SZT2: variants seen among roughly 807,000 people sequenced by gnomAD.
SZT2 encodes the protein SZT2 subunit of KICSTOR complex.
A neutral mutation model predicts 404.2 loss-of-function variants in SZT2; 216 were observed. That is an observed-to-expected ratio of 0.53 (90% CI 0.48 to 0.60). The LOEUF is 0.60. Ranked by LOEUF, SZT2 falls within the 20% of genes least tolerant of loss-of-function variation. SZT2 has a pLI of 0.00. For missense variants in SZT2, 3,857 were observed against 4,459.2 expected (o/e 0.86, Z 3.85); for synonymous variants, 1,693 against 1,749.9 (o/e 0.97, Z 0.81).
At position 43,422,625 on chromosome 1, in the gene SZT2, C is replaced by A; in HGVS notation, c.1915C>A (p.Leu639Ile). Residue 639 changes from leucine to isoleucine, a missense_variant, in exon 13 of 72, where the codon CTC becomes ATC. Leu to Ile is a conservative substitution (Grantham distance 5). This residue lies in a region of SZT2 where 1,725 missense variants were observed against 1,881.0 expected (regional missense o/e 0.92). Coordinates refer to ENST00000634258, the MANE Select transcript of SZT2 (RefSeq NM_001365999.1). ...CGAGGGCTATTCTTATGTTAAGCTG[C>A]TCTCCAGGTGGGCAAAGTGATGTCC... ...LVEGYSYVKL[L>I]SSAPDQPPNS... 1 of 1,591,936 alleles carries A rather than the reference C, an allele frequency of 6.3e-7. No individual in the cohort carries two copies. The highest frequency in any genetic ancestry group is 1.7e-4 in the Middle Eastern group (1 of 5,748).
Position 43,427,642 on chromosome 1 carries a change from T to A in SZT2, c.3711T>A (p.Cys1237Ter). The change falls in exon 26 of 72, where the codon TGT (cysteine) becomes TGA (stop). Residue 1237 changes from cysteine (C) to a stop codon, truncating the protein, a stop_gained. Coordinates refer to ENST00000634258, the MANE Select transcript of SZT2 (RefSeq NM_001365999.1). LOFTEE classifies it high-confidence loss of function. ...TESADGPRTR[C>*]PVYIYSCSLE... is the part of the protein sequence containing the mutation. ...GTGCGGATGGGCCCCGGACCCGGTG[T>A]CCTGTCTACATCTACAGCTGTTCAC... 4 of 1,614,160 alleles carry A rather than the reference T, an allele frequency of 2.5e-6. No individual in the cohort carries two copies. The highest frequency in any genetic ancestry group is 3.4e-6 in the Non-Finnish European group (4 of 1,180,008).
intron 40 of SZT2, 59 bp downstream of exon 40, chr1:43,433,249 C>T: frequency 1.3e-6 from 2 of 1,549,750 alleles, no homozygotes; most frequent in Non-Finnish European, 1.8e-6. Context: ...TCTCTGCTCC[C>T]ACAGTACCTC....
rs1340692662 is a variant in SZT2 at position 43,441,039 on chromosome 1, G to C, written c.7345-175G>C. Among the ~76,000 whole-genome samples the C allele has an allele frequency of 1.3e-5, 2 of 152,198 alleles. No homozygotes were observed. The highest frequency in any genetic ancestry group is 1.3e-4 in the Admixed American group (2 of 15,280). The stretch of plus-strand genomic sequence containing the variant: ...AAGTAGAGCTTTTACAGTGAGGAAG[G>C]TGAGGCTCAGGAAAGTTAGGTAACC... On this transcript the variant is annotated intron_variant, in intron 52 of 71. Transcript: ENST00000634258. The surrounding 1 kb of genome is among the most constrained non-coding windows in gnomAD (Gnocchi z 4.8).
chr1:43,415,025 G>T, intron 4 of SZT2, 57 bp from the exon 5 acceptor site: 5 of 1,571,992 alleles, frequency 3.2e-6, no homozygotes, highest in Non-Finnish European at 8.6e-7. Flanking sequence ...GAGCAGAAGT[G>T]TAGTGGTCTG....
chr1:43,392,980 T>C (rs1648584281), intron 1 of SZT2, among the ~76,000 whole-genome samples: 1 of 151,442 alleles, frequency 6.6e-6, no homozygotes, highest in Non-Finnish European at 1.5e-5. Context: ...ACATGCTCTC[T>C]ATCTTTATGG....
chr1:43,453,797 T>G lies in SZT2; in HGVS notation c.*3317T>G. ...CGGAGAAGCGCAGCGGCGCCATGCC[T>G]GGGGAGGCCGGGCCGGGCGGAGTCC... On this transcript the variant is annotated 3_prime_UTR_variant, in exon 72 of 72. Transcript: ENST00000634258. 2 of 1,260,076 alleles carry G rather than the reference T, an allele frequency of 1.6e-6. No homozygotes were observed. The highest frequency in any genetic ancestry group is 2.0e-6 in the Non-Finnish European group (2 of 1,005,560). The allele number at this position is 1,260,076 out of a possible 1,614,324, so 78.1% of individuals were successfully genotyped here.
chr1:43,449,025 G>T, intron 70 of SZT2: 1 of 361,476 alleles, frequency 2.8e-6, no homozygotes, highest in Non-Finnish European at 5.1e-6. Context: ...CAGTAGGCTG[G>T]AGCCCCAGAA....
chr1:43,440,441 T>G lies in SZT2; in HGVS notation c.7211-12T>G, dbSNP rs1266005764. 6.3e-7 allele frequency: 1 copy of G among 1,575,140 alleles called. No homozygotes were observed. The highest frequency in any genetic ancestry group is 1.4e-5 in the African/African-American group (1 of 73,188). On this transcript the variant is annotated splice_polypyrimidine_tract_variant and intron_variant, in intron 51 of 71. Transcript: ENST00000634258. ...ATCAGTGATGGGTGTCTGTAATGTC[T>G]GATGTCCACAGGAAGTCTCAGGAAC...
chr1:43,429,712 C>G lies in SZT2; in HGVS notation c.4176C>G (p.Thr1392=), dbSNP rs373047934. 1 of 1,614,144 alleles carries G rather than the reference C, an allele frequency of 6.2e-7. No individual in the cohort carries two copies. The highest frequency in any genetic ancestry group is 8.5e-7 in the Non-Finnish European group (1 of 1,180,032). ...AILASESSIE[T]EDLSEPEFQS... ...TACCCCAACCATTCAGCATAGAGACCGAGGACCTAAGCGAGCCTGAGTTTC... is the reference window on the plus strand; with the variant it reads ...TACCCCAACCATTCAGCATAGAGACGGAGGACCTAAGCGAGCCTGAGTTTC... The change falls in exon 29 of 72, where the codon ACC becomes ACG. Residue 1392 remains threonine, a synonymous_variant. Coordinates refer to ENST00000634258, the MANE Select transcript of SZT2 (RefSeq NM_001365999.1).
intron 42 of SZT2, 82 bp downstream of exon 42, chr1:43,435,411 G>T: frequency 1.3e-6 from 2 of 1,495,060 alleles, no homozygotes; most frequent in Non-Finnish European, 1.8e-6. Flanking sequence ...AAAGCTGAGG[G>T]CAGAGTCCTC....
chr1:43,404,317 T>A (rs1650036882), intron 3 of SZT2, 63 bp from the exon 4 acceptor site: 1 of 1,447,580 alleles, frequency 6.9e-7, no homozygotes, highest in Admixed American at 1.9e-5. Context: ...GGAAGCTGCA[T>A]GTTTCTGCCC....
Position 43,422,852 on chromosome 1 carries a change from C to A in SZT2, c.2006C>A (p.Pro669His). Residue 669 changes from proline (P) to histidine (H), a missense_variant, in exon 14 of 72, where the codon CCC becomes CAC. This residue lies in a region of SZT2 where 1,725 missense variants were observed against 1,881.0 expected (regional missense o/e 0.92). Coordinates refer to ENST00000634258, the MANE Select transcript of SZT2 (RefSeq NM_001365999.1). Reference protein sequence around the residue: ...APCMVLRLGFPIGTPAPARHK... With the variant: ...APCMVLRLGFHIGTPAPARHK... Reference sequence around the variant, plus strand: ...TGCATGGTTCTTCGCCTGGGTTTTCCCATTGGCACACCAGCACCGGCCCGG... The same window carrying A: ...TGCATGGTTCTTCGCCTGGGTTTTCACATTGGCACACCAGCACCGGCCCGG... 1 of 1,591,738 alleles carries A rather than the reference C, an allele frequency of 6.3e-7. No homozygotes were observed.
In SZT2 at chr1:43,424,564, T is replaced by G; in HGVS notation, c.2471+132T>G. 3 of 988,684 alleles carry G rather than the reference T, an allele frequency of 3.0e-6. No individual in the cohort carries two copies. Among genetic ancestry groups the G allele is most frequent in the Non-Finnish European group, 4.5e-6 (3 of 670,944 alleles). 61.2% of individuals were successfully genotyped at this position (988,684 alleles called of 1,614,324 possible). On this transcript the variant is annotated intron_variant, in intron 16 of 71. Coordinates refer to ENST00000634258, the MANE Select transcript of SZT2 (RefSeq NM_001365999.1). This position sits in a 1 kb window ranked among gnomAD's most constrained non-coding sequence, Gnocchi z 4.1. The stretch of plus-strand genomic sequence containing the variant: ...GTCTGAAGTATAGAGCAGCATCTGC[T>G]ACTGCCCTCCCTGTCTCCTCCCATC...
In SZT2 at chr1:43,452,542, T is replaced by G; in HGVS notation, c.*2062T>G. 1.6e-6 allele frequency: 1 copy of G among 639,832 alleles called. No individual in the cohort carries two copies. Among genetic ancestry groups the G allele is most frequent in the South Asian group, 1.8e-5 (1 of 56,816 alleles). The allele number at this position is 639,832 out of a possible 1,614,324, so 39.6% of individuals were successfully genotyped here. A position where few individuals can be genotyped will look rare whatever the true frequency, so the allele number is the denominator to read the frequency against. On this transcript the variant is annotated 3_prime_UTR_variant, in exon 72 of 72. Transcript: ENST00000634258. ...CAGTGTCCACCCACCGCCTCCTGCC[T>G]CCAGTACTTTCCAAAACCTTTCCTT... is the stretch of plus-strand genomic sequence containing the variant.
intron 28 of SZT2, chr1:43,428,793 ATAG>A: frequency 3.1e-6 from 1 of 321,682 alleles, no homozygotes; most frequent in Non-Finnish European, 5.9e-6. Context: ...CATCCACACA[ATAG>A]TAGGAATCTC....
intron 1 of SZT2, among the ~76,000 whole-genome samples, chr1:43,400,746 C>T (rs1183889528): frequency 1.3e-5 from 2 of 151,944 alleles, no homozygotes; most frequent in African/African-American, 2.4e-5. Context: ...GTGGCGGGTG[C>T]CTGTAATCCC....
At position 43,431,297 on chromosome 1, in the gene SZT2, G is replaced by A. The variant is rs1235138849; in HGVS notation, c.4949G>A (p.Arg1650Gln). The A allele has an allele frequency of 3.7e-6, 6 of 1,612,358 alleles. No homozygotes were observed. The highest frequency in any genetic ancestry group is 1.3e-5 in the African/African-American group (1 of 74,808). Residue 1650 changes from arginine (R) to glutamine (Q), a missense_variant, in exon 34 of 72, where the codon CGA becomes CAA. Coordinates refer to ENST00000634258, the MANE Select transcript of SZT2 (RefSeq NM_001365999.1). ...STSESSASFP[R>Q]SPGQPSSLRS... ...TCTGAAAGCAGTGCTTCATTTCCAC[G>A]ATCCCCAGGGCAGCCATCATCTTTA...
Position 43,440,562 on chromosome 1 carries a change from C to A in SZT2, c.7320C>A (p.Gly2440=). Residue 2440 remains glycine (G), a synonymous_variant, in exon 52 of 72, where the codon GGC becomes GGA. Transcript: ENST00000634258. ...CTGTGACTCCACCCAGCAAAGCGGGCCGGCGTAGCTTCTGGGATATGCTGG... is the reference window on the plus strand; with the variant it reads ...CTGTGACTCCACCCAGCAAAGCGGGACGGCGTAGCTTCTGGGATATGCTGG... ...GEPVTPPSKA[G]RRSFWDMLSK... 1 of 1,603,842 alleles carries A rather than the reference C, an allele frequency of 6.2e-7. No individual in the cohort carries two copies. The highest frequency in any genetic ancestry group is 8.5e-7 in the Non-Finnish European group (1 of 1,175,394).
Position 43,451,849 on chromosome 1 carries a change from T to C in SZT2, c.*1369T>C, listed in dbSNP as rs1487727517. 1.9e-6 allele frequency: 3 copies of C among 1,613,902 alleles called. No homozygotes were observed. The highest frequency in any genetic ancestry group is 1.7e-5 in the Admixed American group (1 of 59,990). ...CTACCTTCTGTAAGATGGCTGCCGC[T>C]GTAAGAGAAGCCAGGGAGGGGACCG... is the stretch of plus-strand genomic sequence containing the variant. On this transcript the variant is annotated 3_prime_UTR_variant, in exon 72 of 72. Coordinates refer to ENST00000634258, the MANE Select transcript of SZT2 (RefSeq NM_001365999.1).
Sources: gnomAD v4.1 joint callset for allele counts (sites outside exome capture counted in the v4.1 genomes callset) on GRCh38, gnomAD v4.1.1 for gene constraint, gnomAD v4.1.1 regional missense constraint, Gnocchi (gnomAD v3.1) non-coding constraint, MANE v1.5 for transcripts, NCBI Gene and HGNC (gene_info 2026-07-23, HGNC 2026-07-21) for gene names.